BRF1: variants seen among roughly 807,000 people sequenced by gnomAD.
The protein encoded by BRF1 is BRF1 general transcription factor IIIB subunit, also known as transcription factor IIIB 90 kDa subunit.
In BRF1, 59 loss-of-function variants were observed where a neutral mutation model predicts 81.7. The observed-to-expected ratio is 0.72, with a 90% confidence interval of 0.59 to 0.90. BRF1 has a LOEUF of 0.90. Among genes scored for constraint, BRF1 ranks in the 40% least tolerant of loss-of-function variants. The pLI, the probability that BRF1 is intolerant of heterozygous loss-of-function variation, is 0.00. For missense variants in BRF1, 1,050 were observed against 936.3 expected, an observed-to-expected ratio of 1.12 and a Z score of -1.58; for synonymous variants, 491 against 395.6, an observed-to-expected ratio of 1.24 and a Z score of -2.86.
rs367781996 is a variant in BRF1 at position 105,221,880 on chromosome 14, G to A, written c.1083C>T (p.Gly361=). 96 of 1,599,958 alleles carry A rather than the reference G, an allele frequency of 6.0e-5. No homozygotes were observed. The highest frequency in any genetic ancestry group is 5.0e-4 in the Middle Eastern group (3 of 6,032). Residue 361 remains glycine, a synonymous_variant, in exon 11 of 18, where the codon GGC becomes GGT. Transcript: ENST00000547530. Reference sequence around the variant, plus strand: ...GCTCCTCGTCCTCTGTGTCCTCCTCGCCACACAAGCTGGACGCGGTGTCCT... The same window carrying A: ...GCTCCTCGTCCTCTGTGTCCTCCTCACCACACAAGCTGGACGCGGTGTCCT... ...STEDTASSLC[G]EEDTEDEELE...
At chr14:105,241,471 G>A (rs1595349679) in intron 5 of BRF1, 57 bp from the exon 6 acceptor site, 2 of 1,599,730 alleles carry the variant, frequency 1.3e-6, no homozygotes, top group Admixed American at 1.7e-5. Flanking sequence ...ACGTGCACAG[G>A]CGGCCCACGC....
rs1442457307 is a variant in BRF1, at chr14:105,300,431, G to A, written c.184+15C>T. 2.0e-6 allele frequency: 3 copies of A among 1,510,822 alleles called. No homozygotes were observed. The highest frequency in any genetic ancestry group is 2.6e-6 in the Non-Finnish European group (3 of 1,136,068). The allele number at this position is 1,510,822 out of a possible 1,614,324, so 93.6% of individuals were successfully genotyped here. A position where few individuals can be genotyped will look rare whatever the true frequency, so the allele number is the denominator to read the frequency against. ...GCACCGAGAAATCCGCGCAGCGCCA[G>A]CCCGCGGGACTCACCGTCCAGGGAC... is the stretch of plus-strand genomic sequence containing the variant. On this transcript the variant is annotated intron_variant, in intron 1 of 17. Transcript: ENST00000547530.
intron 3 of BRF1, among the ~76,000 whole-genome samples, chr14:105,270,419 C>T (rs2056606905): frequency 6.6e-6 from 1 of 151,888 alleles, no homozygotes; most frequent in African/African-American, 2.4e-5. Flanking sequence ...TCGTGATCCG[C>T]CCACCTAGGC....
intron 2 of BRF1, among the ~76,000 whole-genome samples, chr14:105,280,106 G>A (rs891992288): frequency 6.6e-6 from 1 of 152,242 alleles, no homozygotes; most frequent in African/African-American, 2.4e-5. Flanking sequence ...GACGTTTACA[G>A]CAGCTTCACT....
At chr14:105,308,486 T>TTC (rs1417424306) in intron 1 of BRF1, among the ~76,000 whole-genome samples, 1 of 149,614 alleles carries the variant, frequency 6.7e-6, no homozygotes, top group African/African-American at 2.5e-5. Flanking sequence ...TCTGTCTTTT[T>TTC]TTTTTTTTTT....
intron 15 of BRF1, 184 bp from the exon 16 acceptor site, chr14:105,212,348 T>C: frequency 2.9e-6 from 2 of 700,460 alleles, no homozygotes; most frequent in Non-Finnish European, 4.7e-6. Flanking sequence ...AACACAGAGC[T>C]CTGACCCGTT....
chr14:105,309,004 A>G lies in BRF1; in HGVS notation c.-162+6318T>C, dbSNP rs1157135602. ...CAAAAGAAAAAAAAAGAAAAAGACA[A>G]ACAAAACCTAACAAAACCAGAAATC... On this transcript the variant is annotated intron_variant, in intron 1 of 17. Transcript: ENST00000327359. The surrounding 1 kb of genome is among the most constrained non-coding windows in gnomAD (Gnocchi z 4.0). Among the ~76,000 whole-genome samples the G allele has an allele frequency of 1.3e-5, 2 of 151,838 alleles. No homozygotes were observed. The highest frequency in any genetic ancestry group is 2.9e-5 in the Non-Finnish European group (2 of 67,978).
At position 105,226,721 on chromosome 14, in the gene BRF1, G is replaced by A; in HGVS notation, c.828C>T (p.Thr276=). 1 of 1,613,734 alleles carries A rather than the reference G, an allele frequency of 6.2e-7. No homozygotes were observed. The highest frequency in any genetic ancestry group is 1.1e-5 in the South Asian group (1 of 91,092). The change falls in exon 8 of 18, where the codon ACC becomes ACT. Residue 276 remains threonine, a synonymous_variant. Transcript: ENST00000547530. ...GGTCGATCTTCATGAACTCATCAAT[G>A]GTCAACTGACTGGTGGGGGTGTCTT... The part of the protein sequence containing the change: ...EFEDTPTSQL[T]IDEFMKIDLE...
At chr14:105,220,341 A>T (rs1179243304) in intron 11 of BRF1, among the ~76,000 whole-genome samples, 1 of 152,224 alleles carries the variant, frequency 6.6e-6, no homozygotes, top group Non-Finnish European at 1.5e-5. Context: ...AGCCAGCAGA[A>T]CACTGAACTG....
intron 10 of BRF1, among the ~76,000 whole-genome samples, chr14:105,224,636 C>A (rs1595297552): frequency 1.3e-5 from 2 of 152,340 alleles, no homozygotes; most frequent in East Asian, 1.9e-4. Context: ...GCACATCGAA[C>A]TCCTGGGTTC....
At chr14:105,297,820 C>A (rs971514202) in intron 1 of BRF1, among the ~76,000 whole-genome samples, 12 of 152,006 alleles carry the variant, frequency 7.9e-5, no homozygotes, top group African/African-American at 2.4e-4. Context: ...CACGGTGAAA[C>A]CCCGTCTCTA....
intron 4 of BRF1, among the ~76,000 whole-genome samples, chr14:105,255,368 A>G (rs1430934728): frequency 6.6e-6 from 1 of 152,228 alleles, no homozygotes; most frequent in Non-Finnish European, 1.5e-5. Flanking sequence ...GTTGCCATTT[A>G]TAAAGACAGC....
chr14:105,281,214 A>C (rs2057081398), intron 2 of BRF1, among the ~76,000 whole-genome samples: 1 of 128,400 alleles, frequency 7.8e-6, no homozygotes, highest in South Asian at 2.6e-4. Context: ...GGGTGTGTGG[A>C]TACAGCCTGC....
Position 105,247,689 on chromosome 14 carries a change from T to C in BRF1, c.544+4818A>G, listed in dbSNP as rs370197383. On this transcript the variant is annotated intron_variant, in intron 5 of 17. Coordinates refer to ENST00000547530, the MANE Select transcript of BRF1 (RefSeq NM_001519.4). ...TGCGTCCTGTGGGGTTTCCTGCATA[T>C]GGAAGTTTTAAAAGTCTAAAGCCTG... is the stretch of plus-strand genomic sequence containing the variant. The C allele has an allele frequency of 5.1e-6, 5 of 985,152 alleles. No individual in the cohort carries two copies. The Admixed American group carries it at 2.5e-4, about 49-fold the overall frequency. The allele number at this position is 985,152 out of a possible 1,614,324, so 61.0% of individuals were successfully genotyped here.
intron 5 of BRF1, chr14:105,247,293 G>A (rs1309922430): frequency 1.2e-5 from 12 of 985,344 alleles, no homozygotes; most frequent in Non-Finnish European, 1.4e-5. Flanking sequence ...CCCACCTGCA[G>A]CAGGTGATCT....
At chr14:105,244,920 A>G (rs1027448340) in intron 5 of BRF1, among the ~76,000 whole-genome samples, 2 of 152,002 alleles carry the variant, frequency 1.3e-5, no homozygotes, top group African/African-American at 4.8e-5. Context: ...GTAACAGCAC[A>G]TAGGACATGC....
At chr14:105,226,565 A>C (rs904628665) in intron 8 of BRF1, 69 bp downstream of exon 8, 87 of 1,602,912 alleles carry the variant, frequency 5.4e-5, no homozygotes, top group Non-Finnish European at 6.6e-5. Flanking sequence ...CTACAACCCC[A>C]GTCGGGGTGT....
chr14:105,226,726 A>G lies in BRF1; in HGVS notation c.823T>C (p.Leu275=). Residue 275 remains leucine, a synonymous_variant, in exon 8 of 18, where the codon TTG becomes CTG. Transcript: ENST00000547530. ...TEFEDTPTSQ[L]TIDEFMKIDL... ...ATCTTCATGAACTCATCAATGGTCAACTGACTGGTGGGGGTGTCTTCAAAT... is the reference window on the plus strand; with the variant it reads ...ATCTTCATGAACTCATCAATGGTCAGCTGACTGGTGGGGGTGTCTTCAAAT... 1.9e-6 allele frequency: 3 copies of G among 1,613,736 alleles called. No individual in the cohort carries two copies. The highest frequency in any genetic ancestry group is 2.5e-6 in the Non-Finnish European group (3 of 1,180,024).
At chr14:105,229,662 C>T (rs1352492526) in intron 6 of BRF1, among the ~76,000 whole-genome samples, 42 of 150,354 alleles carry the variant, frequency 2.8e-4, no homozygotes, top group South Asian at 4.2e-4. Context: ...GCCTGGCAGC[C>T]CCGTGGCACC....
Sources: allele counts gnomAD v4.1 joint callset (sites outside exome capture counted in the v4.1 genomes callset), GRCh38; gene constraint gnomAD v4.1.1; non-coding constraint Gnocchi (gnomAD v3.1); transcripts MANE v1.5; gene names NCBI Gene and HGNC (gene_info 2026-07-23, HGNC 2026-07-21).